Variants in ESPNL observed in about 807,000 individuals in gnomAD.
ESPNL encodes the protein espin like.
Under a neutral mutation model 46.8 loss-of-function variants are expected in ESPNL, and 49 were observed. The observed-to-expected ratio is 1.05, with a 90% CI of 0.83 to 1.33. The LOEUF is 1.33. ESPNL is among the 40% of genes most tolerant of loss of function. ESPNL has a pLI of 0.00. For synonymous variants in ESPNL, 664 were observed against 662.1 expected (o/e 1.00, Z -0.04); for missense variants, 1,540 against 1,436.6 (o/e 1.07, Z -1.16).
intron 5 of ESPNL, 134 bp downstream of exon 5, chr2:238,117,168 C>A: frequency 7.9e-7 from 1 of 1,264,722 alleles, no homozygotes; most frequent in South Asian, 1.5e-5. Context: ...GGCATTGGAG[C>A]CAGGAGCAAG....
chr2:238,120,735 G>C (rs1046230028), intron 5 of ESPNL, among the ~76,000 whole-genome samples: 15 of 152,214 alleles, frequency 9.9e-5, no homozygotes, highest in African/African-American at 3.6e-4. Context: ...GGGGGTGCTC[G>C]TCTCTCACCA....
At chr2:238,105,242 G>T (rs1227567513) in intron 3 of ESPNL, among the ~76,000 whole-genome samples, 1 of 152,104 alleles carries the variant, frequency 6.6e-6, no homozygotes, top group Non-Finnish European at 1.5e-5. Context: ...CCCCAGGCCA[G>T]CCCCCACCTT....
chr2:238,123,516 C>T (rs1013069779), intron 5 of ESPNL, among the ~76,000 whole-genome samples: 1 of 152,164 alleles, frequency 6.6e-6, no homozygotes, highest in African/African-American at 2.4e-5. Flanking sequence ...GGTCCCCTTC[C>T]ATCTCCCAGA....
intron 8 of ESPNL, 113 bp downstream of exon 8, chr2:238,129,017 C>CT: frequency 6.9e-7 from 1 of 1,445,196 alleles, no homozygotes; most frequent in Non-Finnish European, 9.1e-7. Context: ...CCCAGGGGCC[C>CT]CTCTCCTCTG....
intron 5 of ESPNL, among the ~76,000 whole-genome samples, chr2:238,118,414 G>GAGGTGGATGGAGA (rs1691874756): frequency 7.9e-6 from 1 of 126,274 alleles, no homozygotes; most frequent in African/African-American, 3.4e-5. Flanking sequence ...GTGGACGGAG[G>GAGGTGGATGGAGA]AGGGTGGATG....
chr2:238,131,026 C>G lies in ESPNL; in HGVS notation c.2312C>G (p.Ala771Gly), dbSNP rs570616030. Residue 771 changes from alanine to glycine, a missense_variant, in exon 9 of 9, where the codon GCG becomes GGG. Transcript: ENST00000343063. ...TGCAGGACCCTAGGAGCCCGCCACG[C>G]GGGGTTGCGGGGCCAGGAGGCCGCC... ...VACRTLGARH[A>G]GLRGQEAARS... The G allele has an allele frequency of 6.5e-7, 1 of 1,539,204 alleles. No individual in the cohort carries two copies.
intron 2 of ESPNL, among the ~76,000 whole-genome samples, 155 bp from the exon 3 acceptor site, chr2:238,104,501 C>A (rs1273877355): frequency 6.6e-6 from 1 of 152,232 alleles, no homozygotes; most frequent in Admixed American, 6.5e-5. Context: ...GGGGGAGCAA[C>A]CTGGAGGGGG....
intron 4 of ESPNL, among the ~76,000 whole-genome samples, chr2:238,115,296 G>A (rs1431403434): frequency 6.6e-6 from 1 of 152,246 alleles, no homozygotes; most frequent in Non-Finnish European, 1.5e-5. Context: ...GATTCCCCCA[G>A]GACAAGGCAC....
chr2:238,116,235 T>C (rs1011746177), intron 4 of ESPNL, among the ~76,000 whole-genome samples: 2 of 152,256 alleles, frequency 1.3e-5, no homozygotes, highest in African/African-American at 2.4e-5. Flanking sequence ...TCCTCTAGCC[T>C]TCCAGTCCTG....
At position 238,104,702 on chromosome 2, in the gene ESPNL, G is replaced by A. The variant is rs1422924388; in HGVS notation, c.532G>A (p.Ala178Thr). Residue 178 changes from alanine (A) to threonine (T), a missense_variant, in exon 3 of 9, where the codon GCC becomes ACC. By Grantham distance (58) the Ala-to-Thr change is moderately conservative. Transcript: ENST00000343063. ...TRSGASPLYL[A>T]CQEGHLHLAQ... The stretch of plus-strand genomic sequence containing the variant: ...CAGTGGCGCCTCCCCACTCTACCTG[G>A]CCTGCCAGGAGGGCCACCTGCACCT... 1.2e-6 allele frequency: 2 copies of A among 1,607,040 alleles called. No individual in the cohort carries two copies. The highest frequency in any genetic ancestry group is 2.2e-4 in the Middle Eastern group (1 of 4,610).
chr2:238,115,534 G>A (rs556686028), intron 4 of ESPNL, among the ~76,000 whole-genome samples: 8 of 152,324 alleles, frequency 5.3e-5, no homozygotes, highest in East Asian at 1.9e-4. Context: ...ACAGCGTCAC[G>A]TTGTATTTAC....
chr2:238,115,067 G>A (rs564407172), intron 4 of ESPNL, among the ~76,000 whole-genome samples: 22 of 152,266 alleles, frequency 1.4e-4, no homozygotes, highest in Non-Finnish European at 2.9e-4. Context: ...TTCTGGCTCC[G>A]GTCTTGCGGT....
intron 4 of ESPNL, among the ~76,000 whole-genome samples, chr2:238,109,063 A>G (rs1292744540): frequency 1.3e-5 from 2 of 151,892 alleles, no homozygotes; most frequent in Non-Finnish European, 2.9e-5. Flanking sequence ...TCTGTCCCCA[A>G]CCTAGACAGA....
intron 7 of ESPNL, 48 bp downstream of exon 7, chr2:238,127,782 C>A (rs62197371): frequency 0.37 from 533,326 of 1,435,974 alleles, 106,283 homozygotes; most frequent in Non-Finnish European, 0.41. Context: ...CCCTAGCCAG[C>A]CTCCATTCCC....
At chr2:238,107,101 G>C (rs1391703906) in intron 3 of ESPNL, among the ~76,000 whole-genome samples, 2 of 152,220 alleles carry the variant, frequency 1.3e-5, no homozygotes, top group South Asian at 4.1e-4. Flanking sequence ...AGGAAGGCAG[G>C]CTGTCCTAGG....
At chr2:238,128,927 A>G (rs147504541) in intron 8 of ESPNL, 23 bp downstream of exon 8, 30,034 of 1,525,740 alleles carry the variant, frequency 0.02, 380 homozygotes, top group Middle Eastern at 0.029. Context: ...CAGGGGCGGG[A>G]CCAGTGGGCG....
intron 2 of ESPNL, among the ~76,000 whole-genome samples, chr2:238,102,592 T>TCTA (rs1691509326): frequency 6.6e-6 from 1 of 152,144 alleles, no homozygotes; most frequent in African/African-American, 2.4e-5. Flanking sequence ...ACCCCTGTGC[T>TCTA]GGGACCCCTA....
At chr2:238,115,759 G>C (rs558278065) in intron 4 of ESPNL, among the ~76,000 whole-genome samples, 1 of 152,202 alleles carries the variant, frequency 6.6e-6, no homozygotes, top group Non-Finnish European at 1.5e-5. Context: ...TGCAACCTCC[G>C]CCTCTTGGCT....
At position 238,107,842 on chromosome 2, in the gene ESPNL, G is replaced by A. The variant is rs1284412992; in HGVS notation, c.724G>A (p.Ala242Thr). Residue 242 changes from alanine (A) to threonine (T), a missense_variant, in exon 4 of 9, where the codon GCC becomes ACC. By Grantham distance (58) the Ala-to-Thr change is moderately conservative (BLOSUM62 0). Coordinates refer to ENST00000343063, the MANE Select transcript of ESPNL (RefSeq NM_194312.4). ...LTARDNEGAT[A>T]LHFAARGGHT... is the part of the protein sequence containing the mutation. Reference sequence around the variant, plus strand: ...GGCACGGGACAATGAGGGGGCCACGGCCCTGCACTTTGCAGCCCGAGGCGG... The same window carrying A: ...GGCACGGGACAATGAGGGGGCCACGACCCTGCACTTTGCAGCCCGAGGCGG... 1.9e-6 allele frequency: 3 copies of A among 1,608,248 alleles called. No homozygotes were observed. Among genetic ancestry groups the A allele is most frequent in the Non-Finnish European group, 2.5e-6 (3 of 1,177,770 alleles).
Sources: allele counts gnomAD v4.1 joint callset (sites outside exome capture counted in the v4.1 genomes callset), GRCh38; gene constraint gnomAD v4.1.1; transcripts MANE v1.5; gene names NCBI Gene and HGNC (gene_info 2026-07-23, HGNC 2026-07-21).